BEND7: variants seen among roughly 807,000 people sequenced by gnomAD.
BEND7 encodes the protein BEN domain-containing protein 7.
BEND7 carries 28 observed loss-of-function variants against 50.9 expected under a neutral mutation model. The ratio of observed to expected loss-of-function variants is 0.55; its 90% CI spans 0.41 to 0.75. The LOEUF is 0.75. BEND7 is among the 30% of genes least tolerant of loss of function. The pLI, the probability that BEND7 is intolerant of heterozygous loss-of-function variation, is 0.00. For synonymous variants in BEND7, 170 were observed against 183.9 expected, an observed-to-expected ratio of 0.92 and a Z score of 0.61; for missense variants, 477 against 491.3, an observed-to-expected ratio of 0.97 and a Z score of 0.28.
chr10:13,494,572 C>T (rs1025434604), intron 4 of BEND7, among the ~76,000 whole-genome samples: 23 of 152,240 alleles, frequency 1.5e-4, no homozygotes, highest in Middle Eastern at 3.2e-3. Flanking sequence ...GGGAACTTCT[C>T]TTTGGTCTCT....
chr10:13,463,892 A>C (rs932214171), intron 6 of BEND7, among the ~76,000 whole-genome samples: 5 of 152,258 alleles, frequency 3.3e-5, no homozygotes, highest in African/African-American at 1.2e-4. Context: ...AAAAGGATGG[A>C]AATTCACAGA....
At chr10:13,467,627 T>G (rs1360889505) in intron 6 of BEND7, among the ~76,000 whole-genome samples, 1 of 152,240 alleles carries the variant, frequency 6.6e-6, no homozygotes, top group Non-Finnish European at 1.5e-5. Context: ...CCATTTGATC[T>G]GTCTGTGGCT....
chr10:13,515,509 A>G (rs1403034818), intron 2 of BEND7, among the ~76,000 whole-genome samples: 1 of 152,250 alleles, frequency 6.6e-6, no homozygotes, highest in Non-Finnish European at 1.5e-5. Flanking sequence ...TTACAAGGAT[A>G]TTGGTTGTAT....
chr10:13,493,408 C>T (rs1025923017), intron 4 of BEND7, among the ~76,000 whole-genome samples: 1 of 152,142 alleles, frequency 6.6e-6, no homozygotes, highest in African/African-American at 2.4e-5. Flanking sequence ...CATTAGGGAC[C>T]AGTAAGCATG....
At chr10:13,510,056 A>C (rs1275061464) in intron 2 of BEND7, among the ~76,000 whole-genome samples, 2 of 152,204 alleles carry the variant, frequency 1.3e-5, no homozygotes. Context: ...TGAAACCACC[A>C]CTTCAAGTAA....
At chr10:13,439,840 G>A (rs1353724688), downstream of BEND7, among the ~76,000 whole-genome samples, 2 of 152,248 alleles carry the variant, frequency 1.3e-5, no homozygotes, top group African/African-American at 4.8e-5. Context: ...ATGCTCCGCG[G>A]CTGCCCGCGC....
chr10:13,492,763 G>A lies in BEND7; in HGVS notation c.685C>T (p.Leu229Phe), dbSNP rs777930278. The change falls in exon 5 of 9, where the codon CTT (leucine) becomes TTT (phenylalanine). Residue 229 changes from leucine (L) to phenylalanine (F), a missense_variant. Leu to Phe is a conservative substitution (Grantham distance 22). This residue lies in a region of BEND7 where 396 missense variants were observed against 384.2 expected (regional missense o/e 1.03). Coordinates refer to ENST00000466271, the MANE Select transcript of BEND7 (RefSeq NM_001369863.1). ...CCACTGGGCTTCTGTTTCACAGTAA[G>A]AGGTTCCACAGTCTTTGGGGGCACT... The part of the protein sequence containing the change: ...KKVPPKTVEP[L>F]TVKQKPSGSE... 12 of 1,613,522 alleles carry A rather than the reference G, an allele frequency of 7.4e-6. No homozygotes were observed. The Admixed American group carries it at 1.8e-4, about 25-fold the overall frequency.
At chr10:13,490,811 T>C (rs919550838) in intron 5 of BEND7, among the ~76,000 whole-genome samples, 11 of 152,214 alleles carry the variant, frequency 7.2e-5, no homozygotes, top group Non-Finnish European at 1.6e-4. Context: ...TTTTTGTTTT[T>C]GTTTTTTTTT....
chr10:13,502,516 C>T (rs147664230), intron 2 of BEND7, among the ~76,000 whole-genome samples: 9 of 152,236 alleles, frequency 5.9e-5, no homozygotes, highest in African/African-American at 1.4e-4. Context: ...ATTTCAATAA[C>T]GCAGAGTCAG....
intron 6 of BEND7, among the ~76,000 whole-genome samples, chr10:13,455,777 G>C (rs768745215): frequency 3.2e-4 from 49 of 152,178 alleles, no homozygotes; most frequent in Non-Finnish European, 6.5e-4. Context: ...TTCTAGGCTG[G>C]AGCAAACACT....
intron 6 of BEND7, among the ~76,000 whole-genome samples, chr10:13,477,905 A>G (rs1247777789): frequency 6.6e-6 from 1 of 152,224 alleles, no homozygotes; most frequent in African/African-American, 2.4e-5. Flanking sequence ...ACATGTGTGC[A>G]GGGTAGGGAA....
intron 6 of BEND7, among the ~76,000 whole-genome samples, chr10:13,454,209 G>A (rs1212603465): frequency 6.6e-6 from 1 of 152,086 alleles, no homozygotes; most frequent in Non-Finnish European, 1.5e-5. Context: ...GGCTTGGTTT[G>A]GAGCATGCTG....
rs532265215 is a variant in BEND7 at position 13,516,842 on chromosome 10, C to G, written c.145+9296G>C. Reference sequence around the variant, plus strand: ...TAGATGATAGCAGGATACATACAGGCTTTGAAGAGTTGATACCAAAGGAGG... The same window carrying G: ...TAGATGATAGCAGGATACATACAGGGTTTGAAGAGTTGATACCAAAGGAGG... On this transcript the variant is annotated intron_variant, in intron 2 of 8. Coordinates refer to ENST00000466271, the MANE Select transcript of BEND7 (RefSeq NM_001369863.1). Among the ~76,000 whole-genome samples, 3 of 152,216 alleles carry G rather than the reference C, an allele frequency of 2.0e-5. No individual in the cohort carries two copies. In the East Asian group the frequency reaches 5.8e-4, roughly 29 times the overall value.
upstream of BEND7, among the ~76,000 whole-genome samples, chr10:13,529,552 A>G (rs554912479): frequency 1.3e-5 from 2 of 152,250 alleles, no homozygotes; most frequent in East Asian, 3.9e-4. Flanking sequence ...GCCGAGTCAC[A>G]TTCAAGGAGA....
intron 3 of BEND7, among the ~76,000 whole-genome samples, chr10:13,499,464 T>C (rs1448764782): frequency 6.6e-6 from 1 of 152,166 alleles, no homozygotes; most frequent in East Asian, 1.9e-4. Flanking sequence ...TCTGCCCTAA[T>C]GTTCAGGTTT....
intron 2 of BEND7, among the ~76,000 whole-genome samples, chr10:13,509,994 C>T (rs1038059506): frequency 6.6e-6 from 1 of 152,218 alleles, no homozygotes; most frequent in African/African-American, 2.4e-5. Context: ...TATAGCATGG[C>T]TGTCCAGTGT....
chr10:13,448,469 T>A (rs1348994191), intron 7 of BEND7, among the ~76,000 whole-genome samples: 3 of 152,222 alleles, frequency 2.0e-5, no homozygotes, highest in Non-Finnish European at 4.4e-5. Flanking sequence ...AGAAGCAGCC[T>A]AAACTAGTGC....
At position 13,499,827 on chromosome 10, in the gene BEND7, G is replaced by A. The variant is rs764008953; in HGVS notation, c.399C>T (p.Thr133=). 6.2e-7 allele frequency: 1 copy of A among 1,613,988 alleles called. No homozygotes were observed. Among genetic ancestry groups the A allele is most frequent in the South Asian group, 1.1e-5 (1 of 91,080 alleles). The change falls in exon 3 of 9, where the codon ACC becomes ACT. Residue 133 remains threonine, a synonymous_variant. Transcript: ENST00000466271. ...GCTGGCTTTGGAAGGTTCTAGAACG[G>A]GTGCCATACTGCCCTGAGAACTGTC... The part of the protein sequence containing the change: ...QSGQFSGQYG[T]RSRTFQSQPH...
chr10:13,460,474 A>G (rs1839984220), intron 6 of BEND7, among the ~76,000 whole-genome samples: 1 of 152,226 alleles, frequency 6.6e-6, no homozygotes, highest in Admixed American at 6.5e-5. Context: ...TATGTTGCCC[A>G]GGCTGGCCTT....
Sources: allele counts gnomAD v4.1 joint callset (sites outside exome capture counted in the v4.1 genomes callset), GRCh38; gene constraint gnomAD v4.1.1; regional missense constraint gnomAD v4.1.1; transcripts MANE v1.5; gene names NCBI Gene and HGNC (gene_info 2026-07-23, HGNC 2026-07-21).